KCNC4: variants seen among roughly 807,000 people sequenced by gnomAD.
The protein encoded by KCNC4 is voltage-gated potassium channel KCNC4.
A neutral mutation model predicts 42.8 loss-of-function variants in KCNC4; 23 were observed. The observed-to-expected ratio is 0.54, with a 90% CI of 0.39 to 0.76. The LOEUF is 0.76. Among genes scored for constraint, KCNC4 ranks in the 30% least tolerant of loss-of-function variants. The pLI is 0.00. For missense variants in KCNC4, 751 were observed against 898.2 expected (o/e 0.84, Z 2.10); for synonymous variants, 422 against 393.5 (o/e 1.07, Z -0.86).
chr1:110,227,272 C>T (rs1658447415), intron 3 of KCNC4, among the ~76,000 whole-genome samples: 1 of 152,182 alleles, frequency 6.6e-6, no homozygotes, highest in Non-Finnish European at 1.5e-5. Context: ...CTGAAGATGT[C>T]CCAATGTCCC....
chr1:110,241,149 A>G (rs1178439279), exon 4 of KCNC4: 1 of 152,214 alleles, frequency 6.6e-6, no homozygotes, highest in African/African-American at 2.4e-5. Flanking sequence ...TTCCCTGGAC[A>G]GGACTGGAAA....
chr1:110,235,970 G>A (rs1226827401), downstream of KCNC4: 1 of 152,176 alleles, frequency 6.6e-6, no homozygotes, highest in African/African-American at 2.4e-5. Context: ...GCCATGAGGA[G>A]AAATGAGTCG....
rs200363121 is a variant in KCNC4, at chr1:110,223,465, A to G, written c.1180A>G (p.Ile394Val). ...CATCTTCCTGGCCCTGGGTGTGCTCATCTTTGCCACCATGATCTACTACGC... is the reference window on the plus strand; with the variant it reads ...CATCTTCCTGGCCCTGGGTGTGCTCGTCTTTGCCACCATGATCTACTACGC... ...LIIFLALGVL[I>V]FATMIYYAER... Residue 394 changes from isoleucine to valine, a missense_variant, in exon 2 of 4, where the codon ATC becomes GTC. Ile to Val is a conservative substitution (Grantham distance 29). Transcript: ENST00000438661. The surrounding 1 kb of genome is among the most constrained non-coding windows in gnomAD (Gnocchi z 7.5). 3 of 1,613,806 alleles carry G rather than the reference A, an allele frequency of 1.9e-6. No individual in the cohort carries two copies. Among genetic ancestry groups the G allele is most frequent in the Admixed American group, 1.7e-5 (1 of 60,018 alleles).
At chr1:110,261,385 AAATGAATATTAG>A (rs2101076171) in intron 1 of KCNC4, among the ~76,000 whole-genome samples, 1 of 152,382 alleles carries the variant, frequency 6.6e-6, no homozygotes, top group South Asian at 2.1e-4. Context: ...AAAAAATTTT[AAATGAATATTAG>A]GACAAAGTAT....
At chr1:110,242,946 A>G (rs1659061136) in exon 4 of KCNC4, 1 of 152,248 alleles carries the variant, frequency 6.6e-6, no homozygotes, top group Non-Finnish European at 1.5e-5. Context: ...CAGATTGCTA[A>G]TTCTGGCTCC....
At chr1:110,225,316 C>G (rs1658325552) in intron 2 of KCNC4, 2 of 152,276 alleles carry the variant, frequency 1.3e-5, no homozygotes, top group South Asian at 4.1e-4. Flanking sequence ...ATCCAAGGGC[C>G]CAGCTTCACC....
rs3062031 is a variant in KCNC4 at position 110,276,299 on chromosome 1, CAAAAAAAAA to C, written n.31-6220_31-6212del. Among the ~76,000 whole-genome samples, 208 of 98,898 alleles carry C rather than the reference CAAAAAAAAA, an allele frequency of 2.1e-3. 1 individual carries two copies. The highest frequency in any genetic ancestry group is 7.4e-3 in the African/African-American group (202 of 27,442). 64.9% of individuals were successfully genotyped at this position (98,898 alleles called of 152,430 possible). On this transcript the variant is annotated intron_variant and non_coding_transcript_variant, in intron 1 of 2. Transcript: ENST00000412512. ...TGCACTTATATCCTTTCAATTTATACAAAAAAAAAAAAAAAAAAAAAAAGGACCTTAGTG... is the reference window on the plus strand; with the variant it reads ...TGCACTTATATCCTTTCAATTTATACAAAAAAAAAAAAAAGGACCTTAGTG...
At chr1:110,253,283 G>C (rs12565254), downstream of KCNC4, among the ~76,000 whole-genome samples, 9,274 of 152,242 alleles carry the variant, frequency 0.061, 550 homozygotes, top group African/African-American at 0.14. Context: ...TTTTGCACAT[G>C]TGTGCCTTGT....
chr1:110,268,682 C>T (rs1315356628), intron 1 of KCNC4, among the ~76,000 whole-genome samples: 1 of 149,014 alleles, frequency 6.7e-6, no homozygotes, highest in Non-Finnish European at 1.5e-5. Context: ...GGAAGACAGG[C>T]TTGAGAAGTT....
At position 110,272,995 on chromosome 1, in the gene KCNC4, G is replaced by A. The variant is rs886642500; in HGVS notation, n.31-9539G>A. ...GGATAGTCCTGGAGTTGGTTGTGGT[G>A]TCTATGTAAATCTCCGCAGTTCCCC... On this transcript the variant is annotated intron_variant and non_coding_transcript_variant, in intron 1 of 2. Transcript: ENST00000412512. Among the ~76,000 whole-genome samples the A allele has an allele frequency of 8.5e-5, 13 of 152,332 alleles. 1 individual carries two copies. Among genetic ancestry groups the A allele is most frequent in the Middle Eastern group, 6.8e-3 (2 of 294 alleles).
intron 1 of KCNC4, among the ~76,000 whole-genome samples, chr1:110,263,549 C>T (rs537200403): frequency 6.6e-5 from 10 of 152,092 alleles, no homozygotes; most frequent in Non-Finnish European, 1.2e-4. Flanking sequence ...CACAGACAGA[C>T]AGACACCCAG....
chr1:110,250,186 G>T (rs1024314040), downstream of KCNC4, among the ~76,000 whole-genome samples: 2 of 151,958 alleles, frequency 1.3e-5, no homozygotes, highest in African/African-American at 4.8e-5. Flanking sequence ...ACATGACCAG[G>T]CCTCGCACAC....
Position 110,270,207 on chromosome 1 carries a change from C to T in KCNC4, n.31-12327C>T, listed in dbSNP as rs115987714. Among the ~76,000 whole-genome samples, 973 of 152,252 alleles carry T rather than the reference C, an allele frequency of 6.4e-3. 14 individuals carry two copies. The highest frequency in any genetic ancestry group is 0.021 in the African/African-American group (857 of 41,534). On this transcript the variant is annotated intron_variant and non_coding_transcript_variant, in intron 1 of 2. Transcript: ENST00000412512. ...TCCTCACCCCTTGTTGAAGTCATGCCGCCCTCAGACTCTCCTCTCTGGGTC... is the reference window on the plus strand; with the variant it reads ...TCCTCACCCCTTGTTGAAGTCATGCTGCCCTCAGACTCTCCTCTCTGGGTC...
chr1:110,279,727 G>A (rs557847272), intron 1 of KCNC4, among the ~76,000 whole-genome samples: 4 of 151,052 alleles, frequency 2.6e-5, no homozygotes, highest in Non-Finnish European at 5.9e-5. Flanking sequence ...TCTGGTACCT[G>A]TGTCACTTCT....
downstream of KCNC4, among the ~76,000 whole-genome samples, chr1:110,250,273 C>T (rs1195662019): frequency 6.6e-6 from 1 of 152,158 alleles, no homozygotes; most frequent in African/African-American, 2.4e-5. Flanking sequence ...AGGGGTCTCT[C>T]CTCCCTCCTC....
At chr1:110,254,401 A>G (rs562395058) in intron 1 of KCNC4, among the ~76,000 whole-genome samples, 3 of 152,164 alleles carry the variant, frequency 2.0e-5, no homozygotes, top group Non-Finnish European at 4.4e-5. Flanking sequence ...TTTGCACCTC[A>G]TGTTCCTTCA....
intron 1 of KCNC4, among the ~76,000 whole-genome samples, chr1:110,275,970 A>G (rs1480998984): frequency 2.6e-5 from 4 of 151,430 alleles, no homozygotes. Context: ...AAAAAAAAAA[A>G]AAGAAGAATG....
intron 1 of KCNC4, among the ~76,000 whole-genome samples, chr1:110,218,641 G>C (rs1367457638): frequency 6.6e-6 from 1 of 152,134 alleles, no homozygotes; most frequent in Non-Finnish European, 1.5e-5. Context: ...TCTTGTACTT[G>C]GTAGGCGCTC....
At chr1:110,241,175 T>C (rs1159101565) in exon 4 of KCNC4, 1 of 152,108 alleles carries the variant, frequency 6.6e-6, no homozygotes, top group East Asian at 1.9e-4. Flanking sequence ...TCTCTAATAC[T>C]CTCTATCTTT....
Sources: allele counts gnomAD v4.1 joint callset (sites outside exome capture counted in the v4.1 genomes callset), GRCh38; gene constraint gnomAD v4.1.1; non-coding constraint Gnocchi (gnomAD v3.1); transcripts MANE v1.5; gene names NCBI Gene and HGNC (gene_info 2026-07-23, HGNC 2026-07-21).